The following HEATR4 variants were observed in gnomAD, a reference collection of about 807,000 sequenced individuals.
HEATR4 encodes the protein HEAT repeat containing 4.
A neutral mutation model predicts 108.8 loss-of-function variants in HEATR4; 95 were observed. The ratio of observed to expected loss-of-function variants is 0.87; its 90% CI spans 0.74 to 1.04. The LOEUF (loss-of-function observed/expected upper bound fraction) is 1.04, where lower values mean the gene tolerates loss of function less well. HEATR4 is among the 50% of genes least tolerant of loss of function. The pLI, the probability that HEATR4 is intolerant of heterozygous loss-of-function variation, is 0.00. For synonymous variants in HEATR4, 443 were observed against 459.4 expected (o/e 0.96, Z 0.46); for missense variants, 1,152 against 1,253.8 (o/e 0.92, Z 1.23).
the HEATR4 span, among the ~76,000 whole-genome samples, chr14:73,624,847 T>C: frequency 6.6e-6 from 1 of 152,158 alleles, no homozygotes; most frequent in Non-Finnish European, 1.5e-5. Flanking sequence ...AGATAATCTG[T>C]GTAAAGTACT....
chr14:73,613,005 G>T, the HEATR4 span: 1 of 966,260 alleles, frequency 1.0e-6, no homozygotes, highest in East Asian at 3.2e-5. Flanking sequence ...GGCCCGGTGC[G>T]CGCCGCGCTC....
chr14:73,588,795 GTTTAA>G, the HEATR4 span, among the ~76,000 whole-genome samples: 723 of 151,642 alleles, frequency 4.8e-3, 4 homozygotes, highest in African/African-American at 0.017. Flanking sequence ...TCTTTTTTGT[GTTTAA>G]TTTAATTAAA....
At chr14:73,530,391 A>G (rs1256360353) in intron 1 of HEATR4, 147 bp from the exon 2 acceptor site, 22 of 131,812 alleles carry the variant, frequency 1.7e-4, no homozygotes, top group African/African-American at 5.0e-4. Context: ...TAAAGAAAGC[A>G]CAGCCCAAAG....
chr14:73,522,936 A>C lies in HEATR4; in HGVS notation c.217T>G (p.Phe73Val), dbSNP rs1244370547. 6.2e-7 allele frequency: 1 copy of C among 1,614,196 alleles called. No homozygotes were observed. The highest frequency in any genetic ancestry group is 8.5e-7 in the Non-Finnish European group (1 of 1,180,040). Residue 73 changes from phenylalanine to valine, a missense_variant, in exon 3 of 18, where the codon TTC (phenylalanine) becomes GTC (valine). Transcript: ENST00000553558. ...CGCTGCCACACCACCTCCTGAGAGAAGGTAAGGTTTGCAGCAGCCATTTTC... is the reference window on the plus strand; with the variant it reads ...CGCTGCCACACCACCTCCTGAGAGACGGTAAGGTTTGCAGCAGCCATTTTC... ...YLKMAAANLTFSQEVVWQRGL... is the reference protein window; with the variant it reads ...YLKMAAANLTVSQEVVWQRGL...
chr14:73,538,611 C>CA (rs59948219), intron 1 of HEATR4, among the ~76,000 whole-genome samples: 2,380 of 26,994 alleles, frequency 0.088, 371 homozygotes, highest in African/African-American at 0.17. Context: ...GACTCCGTCT[C>CA]AAAAAAAAAA....
the HEATR4 span, among the ~76,000 whole-genome samples, chr14:73,597,596 T>TTTC: frequency 3.8e-4 from 52 of 135,126 alleles, no homozygotes; most frequent in Non-Finnish European, 6.6e-4. Flanking sequence ...CTTTTCTTTT[T>TTTC]TTTTTTTTTT....
chr14:73,521,115 T>G (rs1055339809), intron 3 of HEATR4, 76 bp from the exon 4 acceptor site: 7 of 1,278,380 alleles, frequency 5.5e-6, no homozygotes, highest in Non-Finnish European at 7.8e-6. Flanking sequence ...AATCCACAGC[T>G]CGTTCCCTTT....
chr14:73,615,818 G>A, the HEATR4 span, among the ~76,000 whole-genome samples: 1,760 of 152,228 alleles, frequency 0.012, 25 homozygotes, highest in Middle Eastern at 0.061. Flanking sequence ...TGAAGAGGCC[G>A]AGGTGGGAGC....
the HEATR4 span, among the ~76,000 whole-genome samples, chr14:73,613,504 G>A: frequency 6.6e-6 from 1 of 152,138 alleles, no homozygotes. Context: ...TATTGGCAAT[G>A]CCCTTTAATT....
chr14:73,595,030 C>A, the HEATR4 span: 1 of 1,611,244 alleles, frequency 6.2e-7, no homozygotes, highest in Non-Finnish European at 8.5e-7. Context: ...CTCAACTCTC[C>A]TCTCTTCTTT....
At chr14:73,519,207 A>C (rs560754932) in intron 4 of HEATR4, 44 bp from the exon 5 acceptor site, 23 of 1,561,980 alleles carry the variant, frequency 1.5e-5, no homozygotes, top group Non-Finnish European at 1.9e-5. Context: ...TAACCTCCCT[A>C]TTTCCTTTCT....
the HEATR4 span, among the ~76,000 whole-genome samples, chr14:73,630,285 A>G: frequency 6.6e-6 from 1 of 152,294 alleles, no homozygotes; most frequent in East Asian, 1.9e-4. Flanking sequence ...CCTTGGTGTT[A>G]TCGCTACTGC....
the HEATR4 span, among the ~76,000 whole-genome samples, chr14:73,615,388 T>TAAAAAAAAAAA: frequency 1.6e-4 from 10 of 63,314 alleles, no homozygotes; most frequent in African/African-American, 1.0e-3. Flanking sequence ...CTCTGTCTGA[T>TAAAAAAAAAAA]AAAAAAAAAA....
In HEATR4 at chr14:73,500,696, C is replaced by T. The variant is rs1196304706; in HGVS notation, c.2140G>A (p.Val714Met). ...TCACCTATCAGGTAGAGAGCTTCCA[C>T]ACGCTCCTGGGAATTTCCTTGACCT... is the stretch of plus-strand genomic sequence containing the variant. Reference protein sequence around the residue: ...KLGQGNSQERVEALYLIGELK... With the variant: ...KLGQGNSQERMEALYLIGELK... The change falls in exon 12 of 18, where the codon GTG (valine) becomes ATG (methionine). Residue 714 changes from valine (V) to methionine (M), a missense_variant. Transcript: ENST00000553558. The T allele has an allele frequency of 6.2e-7, 1 of 1,614,094 alleles. No individual in the cohort carries two copies. The highest frequency in any genetic ancestry group is 1.3e-5 in the African/African-American group (1 of 75,048).
intron 12 of HEATR4, among the ~76,000 whole-genome samples, chr14:73,500,131 G>A (rs1280171323): frequency 6.6e-6 from 1 of 152,174 alleles, no homozygotes; most frequent in Non-Finnish European, 1.5e-5. Context: ...ACAGGAGGCT[G>A]AGGCAGGAGA....
chr14:73,550,889 C>T lies in HEATR4; in HGVS notation c.-152+7862G>A, dbSNP rs182235347. Among the ~76,000 whole-genome samples the T allele has an allele frequency of 1.7e-5, 2 of 114,854 alleles. 1 individual carries two copies. Among genetic ancestry groups the T allele is most frequent in the East Asian group, 1.4e-3 (2 of 1,428 alleles). 75.3% of individuals were successfully genotyped at this position (114,854 alleles called of 152,430 possible). A position where few individuals can be genotyped will look rare whatever the true frequency, so the allele number is the denominator to read the frequency against. ...TAAAGAATGCAGTTTTTGCTGGGCG[C>T]GGTGGCATGGCTATAGTCCCAGCAC... On this transcript the variant is annotated intron_variant, in intron 1 of 17. Transcript: ENST00000553558.
chr14:73,582,391 A>G, the HEATR4 span: 2 of 151,252 alleles, frequency 1.3e-5, no homozygotes, highest in East Asian at 3.9e-4. Flanking sequence ...GGTCCTGCGT[A>G]GCAATGAAAC....
chr14:73,524,253 A>G (rs937673898), intron 2 of HEATR4, among the ~76,000 whole-genome samples: 1 of 142,844 alleles, frequency 7.0e-6, no homozygotes, highest in Non-Finnish European at 1.5e-5. Flanking sequence ...AGATCATGCC[A>G]TTGCACACCA....
the HEATR4 span, among the ~76,000 whole-genome samples, chr14:73,564,363 A>G: frequency 3.3e-5 from 5 of 151,154 alleles, no homozygotes; most frequent in African/African-American, 1.2e-4. Context: ...TAATCCCAAC[A>G]CTCAGGGAGG....
Sources: allele counts gnomAD v4.1 joint callset (sites outside exome capture counted in the v4.1 genomes callset), GRCh38; gene constraint gnomAD v4.1.1; transcripts MANE v1.5; gene names NCBI Gene and HGNC (gene_info 2026-07-23, HGNC 2026-07-21).